Variants in RBM26 observed in about 807,000 individuals in gnomAD.
RBM26 encodes RNA-binding protein 26.
A neutral mutation model predicts 123.6 loss-of-function variants in RBM26; 30 were observed. That is an observed-to-expected ratio of 0.24 (90% confidence interval 0.18 to 0.33). RBM26 has a LOEUF of 0.33. Ranked by LOEUF, RBM26 falls within the 10% of genes least tolerant of loss-of-function variation. The pLI is 1.00. For missense variants in RBM26, 947 were observed against 1,203.6 expected (o/e 0.79, Z 3.15); for synonymous variants, 400 against 404.4 (o/e 0.99, Z 0.13).
intron 16 of RBM26, 86 bp downstream of exon 16, chr13:79,344,162 T>C: frequency 1.2e-6 from 1 of 858,782 alleles, no homozygotes. Context: ...TTATAGTAAA[T>C]CTTTTTATGA....
intron 19 of RBM26, among the ~76,000 whole-genome samples, chr13:79,336,339 G>A (rs1027006281): frequency 9.9e-5 from 15 of 152,086 alleles, no homozygotes; most frequent in Non-Finnish European, 1.5e-5. Context: ...TTTATTCTGT[G>A]TTAAACTGAT....
At chr13:79,391,029 G>A (rs113541002) in intron 1 of RBM26, among the ~76,000 whole-genome samples, 3,218 of 152,242 alleles carry the variant, frequency 0.021, 54 homozygotes, top group Admixed American at 0.046. Context: ...GTTTTATAGA[G>A]ATAACTTTGT....
At chr13:79,334,464 A>T in intron 19 of RBM26, 34 bp from the exon 20 acceptor site, 5 of 1,153,830 alleles carry the variant, frequency 4.3e-6, no homozygotes, top group Non-Finnish European at 6.2e-6. Flanking sequence ...TCCTCCAAAT[A>T]AATATTTTGA....
At chr13:79,367,338 C>T (rs1208936577) in intron 6 of RBM26, among the ~76,000 whole-genome samples, 1 of 143,932 alleles carries the variant, frequency 6.9e-6, no homozygotes, top group Middle Eastern at 3.4e-3. Context: ...ACCCGGGAGG[C>T]AGTGGTTGCA....
intron 8 of RBM26, 48 bp downstream of exon 8, chr13:79,366,007 A>G (rs376102038): frequency 7.2e-5 from 110 of 1,519,390 alleles, no homozygotes; most frequent in South Asian, 2.3e-5. Context: ...AAAATTCTTC[A>G]TCTAAAACTG....
intron 20 of RBM26, among the ~76,000 whole-genome samples, chr13:79,323,245 AT>A (rs1260504275): frequency 6.7e-6 from 1 of 149,516 alleles, no homozygotes; most frequent in Non-Finnish European, 1.5e-5. Flanking sequence ...ATATTGCCAA[AT>A]AACTTATACT....
At chr13:79,375,826 A>G (rs1447276052) in intron 3 of RBM26, among the ~76,000 whole-genome samples, 1 of 151,894 alleles carries the variant, frequency 6.6e-6, no homozygotes, top group African/African-American at 2.4e-5. Flanking sequence ...TGTATTATTT[A>G]TATGTAATCT....
At chr13:79,400,612 AT>A (rs1267699165) in intron 1 of RBM26, among the ~76,000 whole-genome samples, 1 of 152,240 alleles carries the variant, frequency 6.6e-6, no homozygotes, top group Non-Finnish European at 1.5e-5. Context: ...GAAGAAAAAA[AT>A]GTCAATGTAA....
intron 1 of RBM26, among the ~76,000 whole-genome samples, chr13:79,384,556 C>G (rs1594612794): frequency 1.3e-5 from 2 of 152,244 alleles, no homozygotes; most frequent in East Asian, 3.9e-4. Flanking sequence ...TAGTGCCCAG[C>G]TGGCATCTTT....
intron 1 of RBM26, among the ~76,000 whole-genome samples, chr13:79,385,948 G>A (rs1237006441): frequency 6.6e-6 from 1 of 151,898 alleles, no homozygotes; most frequent in Non-Finnish European, 1.5e-5. Flanking sequence ...AGAAAAAGGA[G>A]GCTACTCTTC....
chr13:79,404,768 C>T (rs147330981), intron 1 of RBM26, among the ~76,000 whole-genome samples: 114 of 152,224 alleles, frequency 7.5e-4, no homozygotes, highest in African/African-American at 2.6e-3. Context: ...TGAAATAGCC[C>T]CCCTCATAAT....
At chr13:79,396,621 A>G (rs1324541502) in intron 1 of RBM26, among the ~76,000 whole-genome samples, 1 of 152,188 alleles carries the variant, frequency 6.6e-6, no homozygotes, top group Non-Finnish European at 1.5e-5. Flanking sequence ...CTCACAACAA[A>G]AATTTCAGTC....
rs1268556638 is a variant in RBM26, at chr13:79,359,548, ACTC to A, written c.1529+24_1529+26del. On this transcript the variant is annotated intron_variant, in intron 10 of 21. Transcript: ENST00000438737. ...ATCCTGAAAATCAATGCACAATTAT[ACTC>A]CTCAATTTTCCTGGCCACCTTACTT... is the stretch of plus-strand genomic sequence containing the variant. 7.9e-6 allele frequency: 8 copies of A among 1,008,490 alleles called. 1 individual carries two copies. Among genetic ancestry groups the A allele is most frequent in the African/African-American group, 4.9e-5 (3 of 61,162 alleles). 62.5% of individuals were successfully genotyped at this position (1,008,490 alleles called of 1,614,324 possible).
chr13:79,351,410 C>A (rs2073189669), intron 14 of RBM26, among the ~76,000 whole-genome samples: 1 of 151,936 alleles, frequency 6.6e-6, no homozygotes, highest in Non-Finnish European at 1.5e-5. Flanking sequence ...TTTCTTTTTT[C>A]TGAAATACTT....
chr13:79,340,380 A>C (rs149705228), intron 18 of RBM26, among the ~76,000 whole-genome samples: 1 of 152,206 alleles, frequency 6.6e-6, no homozygotes, highest in East Asian at 1.9e-4. Flanking sequence ...TGTCCAAAAA[A>C]TGATCAAGTT....
intron 1 of RBM26, among the ~76,000 whole-genome samples, chr13:79,391,677 G>C (rs1487278312): frequency 6.6e-6 from 1 of 152,070 alleles, no homozygotes; most frequent in African/African-American, 2.4e-5. Flanking sequence ...ACCCACCTCA[G>C]CCTCCCAAAG....
chr13:79,355,527 A>T, intron 11 of RBM26, 143 bp from the exon 12 acceptor site: 1 of 623,178 alleles, frequency 1.6e-6, no homozygotes, highest in Non-Finnish European at 2.8e-6. Flanking sequence ...AGTAGACCAC[A>T]GTCTACTTTT....
chr13:79,371,221 T>C (rs2075839528), intron 4 of RBM26, 59 bp from the exon 5 acceptor site: 4 of 1,365,756 alleles, frequency 2.9e-6, no homozygotes. Flanking sequence ...AGGAAAAAGC[T>C]AATTAAATGC....
intron 14 of RBM26, among the ~76,000 whole-genome samples, chr13:79,351,181 A>G (rs554763493): frequency 6.6e-6 from 1 of 152,278 alleles, no homozygotes; most frequent in African/African-American, 2.4e-5. Flanking sequence ...TTCAATTTCA[A>G]AAGTCCAAAT....
Sources: allele counts gnomAD v4.1 joint callset (sites outside exome capture counted in the v4.1 genomes callset), GRCh38; gene constraint gnomAD v4.1.1; transcripts MANE v1.5; gene names NCBI Gene and HGNC (gene_info 2026-07-23, HGNC 2026-07-21).